PIEZO2: variants seen among roughly 807,000 people sequenced by gnomAD.
PIEZO2 encodes the protein piezo-type mechanosensitive ion channel component 2.
A neutral mutation model predicts 337.3 loss-of-function variants in PIEZO2; 172 were observed. The ratio of observed to expected loss-of-function variants is 0.51; its 90% CI spans 0.45 to 0.58. The LOEUF is 0.58. Among genes scored for constraint, PIEZO2 ranks in the 20% least tolerant of loss-of-function variants. The pLI is 0.00. For synonymous variants in PIEZO2, 1,251 were observed against 1,228.5 expected (o/e 1.02, Z -0.38); for missense variants, 3,028 against 3,391.3 (o/e 0.89, Z 2.66).
At chr18:10,782,852 G>A (rs1167530726) in intron 17 of PIEZO2, among the ~76,000 whole-genome samples, 2 of 152,082 alleles carry the variant, frequency 1.3e-5, no homozygotes, top group Non-Finnish European at 2.9e-5. Context: ...TGCTATACAC[G>A]CTTAAAGGGA....
chr18:10,748,553 G>A lies in PIEZO2; in HGVS notation c.4342C>T (p.Leu1448=). The A allele has an allele frequency of 6.5e-7, 1 of 1,536,326 alleles. No homozygotes were observed. Among genetic ancestry groups the A allele is most frequent in the Non-Finnish European group, 8.7e-7 (1 of 1,146,454 alleles). Residue 1448 remains leucine (L), a synonymous_variant, in exon 30 of 56, where the codon CTG becomes TTG. Coordinates refer to ENST00000674853, the MANE Select transcript of PIEZO2 (RefSeq NM_001378183.1). The surrounding 1 kb of genome is among the most constrained non-coding windows in gnomAD (Gnocchi z 5.1). ...CTCATGAAAACTCTTCTTTGCAGCA[G>A]GAGGAAGGCAAAACATATGCTGTCC... is the stretch of plus-strand genomic sequence containing the variant. ...IWDSICFAFL[L]LQRRVFMSYY...
At position 10,759,087 on chromosome 18, in the gene PIEZO2, G is replaced by A. The variant is rs1171396188; in HGVS notation, c.3757+395C>T. Among the ~76,000 whole-genome samples, 1 of 152,168 alleles carries A rather than the reference G, an allele frequency of 6.6e-6. No individual in the cohort carries two copies. The highest frequency in any genetic ancestry group is 1.5e-5 in the Non-Finnish European group (1 of 68,030). On this transcript the variant is annotated intron_variant, in intron 26 of 55. Transcript: ENST00000674853. The surrounding 1 kb of genome is among the most constrained non-coding windows in gnomAD (Gnocchi z 5.5). ...ACTAAAATCTGGGAAGCATCTCCCA[G>A]CATCCACTGTCCCATGTTCAGGGTT...
chr18:10,751,957 T>G (rs2037663328), intron 28 of PIEZO2, among the ~76,000 whole-genome samples: 1 of 152,012 alleles, frequency 6.6e-6, no homozygotes, highest in Admixed American at 6.5e-5. Context: ...CATAGCTACT[T>G]AAGAGCAGAG....
chr18:10,902,791 G>A (rs944675068), intron 4 of PIEZO2, among the ~76,000 whole-genome samples: 2 of 152,186 alleles, frequency 1.3e-5, no homozygotes, highest in Non-Finnish European at 2.9e-5. Context: ...TTGGGTGCAG[G>A]TGGTTTATTT....
intron 2 of PIEZO2, among the ~76,000 whole-genome samples, chr18:11,000,557 C>T (rs1469582508): frequency 6.6e-6 from 1 of 152,168 alleles, no homozygotes; most frequent in Admixed American, 6.5e-5. Flanking sequence ...GTCGCCACTC[C>T]TTTCCTCCTT....
At chr18:11,133,073 C>T (rs6505621) in intron 1 of PIEZO2, among the ~76,000 whole-genome samples, 129,603 of 152,210 alleles carry the variant, frequency 0.85, 55,357 homozygotes, top group African/African-American at 0.91. Flanking sequence ...TCCATGACCA[C>T]GTGACCAGCT....
At chr18:10,779,785 G>C (rs541814146) in intron 18 of PIEZO2, among the ~76,000 whole-genome samples, 122 of 152,274 alleles carry the variant, frequency 8.0e-4, no homozygotes, top group African/African-American at 2.8e-3. Flanking sequence ...GTGAATCATA[G>C]AGGGAGTCCA....
intron 2 of PIEZO2, among the ~76,000 whole-genome samples, chr18:11,050,076 A>G (rs1266439416): frequency 6.6e-6 from 1 of 152,212 alleles, no homozygotes; most frequent in Non-Finnish European, 1.5e-5. Context: ...ATATAAGGCA[A>G]CAATGGAATA....
chr18:11,001,512 T>C lies in PIEZO2; in HGVS notation c.161-21852A>G, dbSNP rs1463417145. ...ACTGTGATTATCCTCCAGTCCCCTA[T>C]GTAGCTGTATTTTGTTATGTGTTGT... On this transcript the variant is annotated intron_variant, in intron 2 of 55. Coordinates refer to ENST00000674853, the MANE Select transcript of PIEZO2 (RefSeq NM_001378183.1). The surrounding 1 kb of genome is among the most constrained non-coding windows in gnomAD (Gnocchi z 5.3). Among the ~76,000 whole-genome samples the C allele has an allele frequency of 6.6e-6, 1 of 152,086 alleles. No individual in the cohort carries two copies. The highest frequency in any genetic ancestry group is 1.5e-5 in the Non-Finnish European group (1 of 68,010).
In PIEZO2 at chr18:10,903,585, G is replaced by T. The variant is rs540250733; in HGVS notation, c.329+7601C>A. Among the ~76,000 whole-genome samples the T allele has an allele frequency of 6.6e-6, 1 of 151,956 alleles. No individual in the cohort carries two copies. The highest frequency in any genetic ancestry group is 6.6e-5 in the Admixed American group (1 of 15,256). ...CTTGGGAGGCTGAGGCAGGAGAATGGCATGAACCCAGGAGGAGGCAGAGCT... is the reference window on the plus strand; with the variant it reads ...CTTGGGAGGCTGAGGCAGGAGAATGTCATGAACCCAGGAGGAGGCAGAGCT... On this transcript the variant is annotated intron_variant, in intron 4 of 55. Transcript: ENST00000674853. The surrounding 1 kb of genome is among the most constrained non-coding windows in gnomAD (Gnocchi z 4.1).
intron 3 of PIEZO2, among the ~76,000 whole-genome samples, chr18:10,951,916 A>T (rs907126932): frequency 6.6e-6 from 1 of 152,362 alleles, no homozygotes; most frequent in South Asian, 2.1e-4. Context: ...GATATGAAAC[A>T]GGAAAATGCT....
At chr18:11,100,008 T>A (rs1054350965) in intron 1 of PIEZO2, among the ~76,000 whole-genome samples, 3 of 152,180 alleles carry the variant, frequency 2.0e-5, no homozygotes, top group African/African-American at 7.2e-5. Flanking sequence ...TCTTTTGTCA[T>A]AAAAAACTTA....
Position 10,750,112 on chromosome 18 carries a change from T to C in PIEZO2, c.4243A>G (p.Thr1415Ala). 2 of 1,536,972 alleles carry C rather than the reference T, an allele frequency of 1.3e-6. No homozygotes were observed. Among genetic ancestry groups the C allele is most frequent in the Non-Finnish European group, 1.7e-6 (2 of 1,146,654 alleles). Reference sequence around the variant, plus strand: ...TTACGCATTTGATAGCCTTTGACTGTGCAGGCCAGGCTGAAAGCCTGGATC... The same window carrying C: ...TTACGCATTTGATAGCCTTTGACTGCGCAGGCCAGGCTGAAAGCCTGGATC... Reference protein sequence around the residue: ...WLIQAFSLACTVKGYQMPAAN... With the variant: ...WLIQAFSLACAVKGYQMPAAN... Residue 1415 changes from threonine to alanine, a missense_variant, in exon 29 of 56, where the codon ACA becomes GCA. By Grantham distance (58) the Thr-to-Ala change is moderately conservative (BLOSUM62 0). Around this residue, in one of 5 missense-constraint regions of PIEZO2, gnomAD observed 1,925 missense variants for 2,051.9 expected, o/e 0.94. Coordinates refer to ENST00000674853, the MANE Select transcript of PIEZO2 (RefSeq NM_001378183.1). The surrounding 1 kb of genome is among the most constrained non-coding windows in gnomAD (Gnocchi z 4.1).
rs768899858 is a variant in PIEZO2 at position 10,950,814 on chromosome 18, C to G, written c.286+28721G>C. 2.0e-4 allele frequency among the ~76,000 whole-genome samples: 31 copies of G among 152,310 alleles called. 1 individual carries two copies. The highest frequency in any genetic ancestry group is 1.7e-3 in the Admixed American group (26 of 15,294). Reference sequence around the variant, plus strand: ...TCATCCACTGAGTTAGCTTCTGTCTCCCATTCCTCAACATGGAATTAGACA... The same window carrying G: ...TCATCCACTGAGTTAGCTTCTGTCTGCCATTCCTCAACATGGAATTAGACA... On this transcript the variant is annotated intron_variant, in intron 3 of 55. Coordinates refer to ENST00000674853, the MANE Select transcript of PIEZO2 (RefSeq NM_001378183.1).
intron 4 of PIEZO2, among the ~76,000 whole-genome samples, chr18:10,880,710 T>C (rs1463352932): frequency 6.6e-6 from 1 of 151,762 alleles, no homozygotes; most frequent in Non-Finnish European, 1.5e-5. Context: ...TACTTTTGTT[T>C]GTCTTAAACT....
Position 10,759,704 on chromosome 18 carries a change from C to T in PIEZO2, c.3655+1G>A. The T allele has an allele frequency of 6.5e-7, 1 of 1,537,284 alleles. No homozygotes were observed. Among genetic ancestry groups the T allele is most frequent in the Non-Finnish European group, 8.7e-7 (1 of 1,146,918 alleles). On this transcript the variant is annotated splice_donor_variant, in intron 25 of 55. Coordinates refer to ENST00000674853, the MANE Select transcript of PIEZO2 (RefSeq NM_001378183.1). LOFTEE classifies it high-confidence loss of function. This position sits in a 1 kb window ranked among gnomAD's most constrained non-coding sequence, Gnocchi z 5.5. ...ACGGCTCAAGGGAAGGGCAGGCTCA[C>T]CTCGGCAAGGAGCAGGTGGGATGCC... is the stretch of plus-strand genomic sequence containing the variant.
Position 10,780,353 on chromosome 18 carries a change from T to C in PIEZO2, c.2506A>G (p.Asn836Asp), listed in dbSNP as rs973178111. ...TTTATTATTAGATATACGCGACCAT[T>C]GACTTTGGCATGGCTACGAGGTGGC... The part of the protein sequence containing the change: ...DNTIYSHAKV[N>D]GRVYLIINSI... The change falls in exon 18 of 56, where the codon AAT becomes GAT. Residue 836 changes from asparagine to aspartate, a missense_variant. Asn to Asp is a conservative substitution (Grantham distance 23). Transcript: ENST00000674853. The C allele has an allele frequency of 1.4e-6, 1 of 702,844 alleles. No individual in the cohort carries two copies. Among genetic ancestry groups the C allele is most frequent in the African/African-American group, 1.7e-5 (1 of 57,234 alleles). The allele number at this position is 702,844 out of a possible 1,614,324, so 43.5% of individuals were successfully genotyped here. A position where few individuals can be genotyped will look rare whatever the true frequency, so the allele number is the denominator to read the frequency against.
In PIEZO2 at chr18:10,855,369, T is replaced by G. The variant is rs1354206732; in HGVS notation, c.901A>C (p.Asn301His). 1.3e-6 allele frequency: 2 copies of G among 1,535,316 alleles called. No homozygotes were observed. Among genetic ancestry groups the G allele is most frequent in the Admixed American group, 3.9e-5 (2 of 51,002 alleles). The part of the protein sequence containing the change: ...FQFFQEAVPP[N>H]DYYARLFGIK... ...TTCTCTTACCTTGCATAGTAGTCATTGGGTGGAACTGCCTCTTGAAAGAAT... is the reference window on the plus strand; with the variant it reads ...TTCTCTTACCTTGCATAGTAGTCATGGGGTGGAACTGCCTCTTGAAAGAAT... Residue 301 changes from asparagine (N) to histidine (H), a missense_variant, in exon 7 of 56, where the codon AAT (asparagine) becomes CAT (histidine). By Grantham distance (68) the Asn-to-His change is moderately conservative (BLOSUM62 1). Coordinates refer to ENST00000674853, the MANE Select transcript of PIEZO2 (RefSeq NM_001378183.1). This position sits in a 1 kb window ranked among gnomAD's most constrained non-coding sequence, Gnocchi z 4.9.
At chr18:10,801,007 T>C (rs1329181392) in intron 10 of PIEZO2, among the ~76,000 whole-genome samples, 1 of 152,254 alleles carries the variant, frequency 6.6e-6, no homozygotes, top group Admixed American at 6.5e-5. Context: ...GCTATGTCCT[T>C]ACTACACCAC....
Sources: allele counts gnomAD v4.1 joint callset (sites outside exome capture counted in the v4.1 genomes callset), GRCh38; gene constraint gnomAD v4.1.1; regional missense constraint gnomAD v4.1.1; non-coding constraint Gnocchi (gnomAD v3.1); transcripts MANE v1.5; gene names NCBI Gene and HGNC (gene_info 2026-07-23, HGNC 2026-07-21).